Variants in COL4A3 observed in about 807,000 individuals in gnomAD.
The protein encoded by COL4A3 is collagen alpha-3(IV) chain.
COL4A3 carries 135 observed loss-of-function variants against 217.4 expected under a neutral mutation model. The observed-to-expected ratio is 0.62, with a 90% CI of 0.54 to 0.72. The LOEUF is 0.72. COL4A3 is among the 30% of genes least tolerant of loss of function. The probability of loss-of-function intolerance (pLI) is 0.00; values close to 1 mark genes in which losing one functional copy is unlikely to be tolerated. For synonymous variants in COL4A3, 690 were observed against 736.3 expected (o/e 0.94, Z 1.02); for missense variants, 1,868 against 2,119.9 (o/e 0.88, Z 2.33).
At chr2:227,210,353 T>G (rs13412122) in intron 1 of COL4A3, among the ~76,000 whole-genome samples, 23,165 of 152,084 alleles carry the variant, frequency 0.15, 1,925 homozygotes, top group Admixed American at 0.19. Context: ...CACTTTGGGA[T>G]GCCAACGCAG....
At chr2:227,263,655 T>G in intron 20 of COL4A3, 125 bp from the exon 21 acceptor site, 1 of 938,738 alleles carries the variant, frequency 1.1e-6, no homozygotes, top group South Asian at 1.6e-5. Flanking sequence ...TTATTTTATA[T>G]GTGTTATGTA....
chr2:227,209,249 G>A, intron 1 of COL4A3, among the ~76,000 whole-genome samples: 1 of 152,202 alleles, frequency 6.6e-6, no homozygotes, highest in Non-Finnish European at 1.5e-5. Context: ...GCGTCCAGCT[G>A]GTTCTAGATG....
chr2:227,194,231 A>G (rs1287196364), intron 1 of COL4A3, among the ~76,000 whole-genome samples: 1 of 152,210 alleles, frequency 6.6e-6, no homozygotes, highest in East Asian at 1.9e-4. Flanking sequence ...TGAGAAGTTT[A>G]TTTATAGAGA....
Position 227,295,036 on chromosome 2 carries a change from G to A in COL4A3, c.3491G>A (p.Gly1164Asp). The change falls in exon 40 of 52, where the codon GGT becomes GAT. Residue 1164 changes from glycine (G) to aspartate (D), a missense_variant. Transcript: ENST00000396578. ...RGDQGRDGIP[G>D]PAGEKGETGL... ...GACCAAGGACGTGATGGAATTCCTG[G>A]TCCAGCCGGAGAAAAGGGAGAAACG... The A allele has an allele frequency of 6.2e-7, 1 of 1,613,358 alleles. No individual in the cohort carries two copies. Among genetic ancestry groups the A allele is most frequent in the South Asian group, 1.1e-5 (1 of 91,052 alleles).
intron 1 of COL4A3, among the ~76,000 whole-genome samples, chr2:227,174,802 C>T (rs573625693): frequency 3.9e-5 from 6 of 152,256 alleles, no homozygotes; most frequent in African/African-American, 1.4e-4. Context: ...CCCCTGCACC[C>T]GGCCTAGCGA....
intron 20 of COL4A3, among the ~76,000 whole-genome samples, chr2:227,263,244 G>A (rs1324561159): frequency 6.6e-6 from 1 of 152,136 alleles, no homozygotes; most frequent in South Asian, 2.1e-4. Flanking sequence ...CTGTTTGTGG[G>A]ACAGAGATTT....
chr2:227,309,456 A>C (rs2073653671), intron 50 of COL4A3, 138 bp downstream of exon 50: 2 of 705,332 alleles, frequency 2.8e-6, no homozygotes, highest in African/African-American at 3.6e-5. Flanking sequence ...TTCCTTGAAA[A>C]TCTACAAACA....
At chr2:227,217,855 T>TAGG (rs1289004087) in intron 1 of COL4A3, among the ~76,000 whole-genome samples, 1 of 152,046 alleles carries the variant, frequency 6.6e-6, no homozygotes, top group Non-Finnish European at 1.5e-5. Flanking sequence ...TTGGAGGCCT[T>TAGG]ACAGTTAAAC....
chr2:227,170,921 TAGTC>T (rs1455905865), intron 1 of COL4A3, among the ~76,000 whole-genome samples: 2 of 152,366 alleles, frequency 1.3e-5, no homozygotes, highest in South Asian at 2.1e-4. Context: ...ATACATTCTT[TAGTC>T]AGTCACGGTA....
Position 227,308,928 on chromosome 2 carries a change from A to G in COL4A3, c.4492A>G (p.Thr1498Ala). Residue 1498 changes from threonine (T) to alanine (A), a missense_variant, in exon 49 of 52, where the codon ACC becomes GCC. Coordinates refer to ENST00000396578, the MANE Select transcript of COL4A3 (RefSeq NM_000091.5). ...GTLGSCLQRFTTMPFLFCNVN... is the reference protein window; with the variant it reads ...GTLGSCLQRFATMPFLFCNVN... ...TCTTGGCAGCTGCCTGCAGCGATTT[A>G]CCACAATGCCATTCTTATTCTGCAA... is the stretch of plus-strand genomic sequence containing the variant. 6.2e-7 allele frequency: 1 copy of G among 1,614,158 alleles called. No individual in the cohort carries two copies. Among genetic ancestry groups the G allele is most frequent in the South Asian group, 1.1e-5 (1 of 91,088 alleles).
At chr2:227,169,608 T>C (rs1428489865) in intron 1 of COL4A3, among the ~76,000 whole-genome samples, 1 of 152,184 alleles carries the variant, frequency 6.6e-6, no homozygotes, top group African/African-American at 2.4e-5. Flanking sequence ...TGGTATCTCA[T>C]TGTGGTTTTG....
At chr2:227,186,814 ATAAC>A (rs1179935844) in intron 1 of COL4A3, among the ~76,000 whole-genome samples, 1 of 152,204 alleles carries the variant, frequency 6.6e-6, no homozygotes, top group Non-Finnish European at 1.5e-5. Context: ...TGGCTTATAA[ATAAC>A]AGACATTTAT....
chr2:227,247,663 T>C, intron 8 of COL4A3, 79 bp downstream of exon 8: 2 of 1,334,132 alleles, frequency 1.5e-6, no homozygotes, highest in South Asian at 1.2e-5. Context: ...TAATGAGACT[T>C]AAGTCATTAC....
In COL4A3 at chr2:227,246,027, T is replaced by G; in HGVS notation, c.387+11T>G. 6.3e-7 allele frequency: 1 copy of G among 1,598,358 alleles called. No homozygotes were observed. Among genetic ancestry groups the G allele is most frequent in the South Asian group, 1.1e-5 (1 of 90,758 alleles). ...TGCAGTGGTTCTAAGGTAAGTACTT[T>G]TCACACAGAAGATGATTAATAAATG... On this transcript the variant is annotated intron_variant, in intron 6 of 51. Transcript: ENST00000396578.
Position 227,257,586 on chromosome 2 carries a change from A to T in COL4A3, c.988-17A>T, listed in dbSNP as rs769608917. ...TGGGTGACCATATTCACAATTTGTA[A>T]ATGTCTTTCACTGTAGGGACAGAAA... On this transcript the variant is annotated splice_polypyrimidine_tract_variant and intron_variant, in intron 17 of 51. Transcript: ENST00000396578. 3.7e-6 allele frequency: 6 copies of T among 1,612,520 alleles called. No individual in the cohort carries two copies. In the South Asian group the frequency reaches 6.6e-5, roughly 18 times the overall value.
chr2:227,259,077 A>C lies in COL4A3; in HGVS notation c.1030-716A>C, dbSNP rs1230463098. On this transcript the variant is annotated intron_variant, in intron 18 of 51. Transcript: ENST00000396578. ...GATAAATATACTGAATGCTAAATGA[A>C]ATCTACCTTTTCATTACATTTCAGA... 2.0e-5 allele frequency: 3 copies of C among 152,098 alleles called. No homozygotes were observed. In the East Asian group the frequency reaches 5.8e-4, roughly 29 times the overall value. The allele number at this position is 152,098 out of a possible 1,614,324, so 9.4% of individuals were successfully genotyped here. A position where few individuals can be genotyped will look rare whatever the true frequency, so the allele number is the denominator to read the frequency against.
chr2:227,246,648 C>A (rs765065879), intron 6 of COL4A3, 37 bp from the exon 7 acceptor site: 5 of 1,544,412 alleles, frequency 3.2e-6, no homozygotes, highest in Non-Finnish European at 4.5e-6. Context: ...TCTTCTAGAA[C>A]AACTAAGAAT....
intron 1 of COL4A3, among the ~76,000 whole-genome samples, chr2:227,227,222 T>G (rs2068144841): frequency 6.6e-6 from 1 of 152,172 alleles, no homozygotes; most frequent in African/African-American, 2.4e-5. Context: ...CGTCCCATCA[T>G]GAGGGGCACA....
Position 227,190,417 on chromosome 2 carries a change from C to G in COL4A3, c.87+25604C>G, listed in dbSNP as rs554744363. On this transcript the variant is annotated intron_variant, in intron 1 of 51. Transcript: ENST00000396578. ...CTTCTCACAACAGTCTGTACCCATTCCTGAGGAACTAAAATGGAAACACTT... is the reference window on the plus strand; with the variant it reads ...CTTCTCACAACAGTCTGTACCCATTGCTGAGGAACTAAAATGGAAACACTT... Among the ~76,000 whole-genome samples the G allele has an allele frequency of 1.3e-3, 197 of 152,254 alleles. 2 individuals are homozygous for G. Among genetic ancestry groups the G allele is most frequent in the East Asian group, 7.5e-3 (39 of 5,184 alleles).
Sources: gnomAD v4.1 joint callset for allele counts (sites outside exome capture counted in the v4.1 genomes callset) on GRCh38, gnomAD v4.1.1 for gene constraint, MANE v1.5 for transcripts, NCBI Gene and HGNC (gene_info 2026-07-23, HGNC 2026-07-21) for gene names.